The following EYA1 variants were observed in gnomAD, a reference collection of about 807,000 sequenced individuals.
EYA1 encodes EYA transcriptional coactivator and phosphatase 1.
Under a neutral mutation model 82.0 loss-of-function variants are expected in EYA1, and 16 were observed. The ratio of observed to expected loss-of-function variants is 0.20; its 90% confidence interval spans 0.13 to 0.30. The LOEUF is 0.30. Ranked by LOEUF, EYA1 falls within the 10% of genes least tolerant of loss-of-function variation. The pLI is 1.00. For synonymous variants in EYA1, 261 were observed against 264.4 expected, an observed-to-expected ratio of 0.99 and a Z score of 0.12; for missense variants, 633 against 730.7, an observed-to-expected ratio of 0.87 and a Z score of 1.54.
chr8:71,472,811 A>ATATATATC (rs988307541), intron 2 of EYA1, among the ~76,000 whole-genome samples: 1 of 147,818 alleles, frequency 6.8e-6, no homozygotes, highest in Non-Finnish European at 1.5e-5. Flanking sequence ...ATATATATAT[A>ATATATATC]TATCTGTCAG....
chr8:71,361,655 C>G lies in EYA1; in HGVS notation c.-63G>C. The G allele has an allele frequency of 1.0e-6, 1 of 985,308 alleles. No homozygotes were observed. The highest frequency in any genetic ancestry group is 1.2e-6 in the Non-Finnish European group (1 of 829,774). 61.0% of individuals were successfully genotyped at this position (985,308 alleles called of 1,614,324 possible). On this transcript the variant is annotated 5_prime_UTR_variant, in exon 1 of 18. An upstream start codon of the reference 5' UTR is lost. Coordinates refer to ENST00000340726, the MANE Select transcript of EYA1 (RefSeq NM_000503.6). ...AGTCAGCTTGTACTTACAGCGCTTACATCTGCTGCATCCACCAGTTTAATG... is the reference window on the plus strand; with the variant it reads ...AGTCAGCTTGTACTTACAGCGCTTAGATCTGCTGCATCCACCAGTTTAATG...
At chr8:71,425,440 C>T (rs979093542) in intron 2 of EYA1, among the ~76,000 whole-genome samples, 1 of 152,104 alleles carries the variant, frequency 6.6e-6, no homozygotes, top group African/African-American at 2.4e-5. Context: ...TGATGTTCCC[C>T]TTATTTTTTT....
rs71555578 is a variant in EYA1 at position 71,327,853 on chromosome 8, C to CTT, written c.203-5587_203-5586dup. ...TAGTTAGGGCGGGAATCTTTAAGTT[C>CTT]TTTTTTTTTTTTTTTTTTTTTGAGA... On this transcript the variant is annotated intron_variant, in intron 4 of 17. Coordinates refer to ENST00000340726, the MANE Select transcript of EYA1 (RefSeq NM_000503.6). Among the ~76,000 whole-genome samples, 1,097 of 110,142 alleles carry CTT rather than the reference C, an allele frequency of 1.0e-2. 37 individuals carry two copies. The highest frequency in any genetic ancestry group is 0.028 in the African/African-American group (801 of 28,770). The allele number at this position is 110,142 out of a possible 152,430, so 72.3% of individuals were successfully genotyped here.
At chr8:71,422,089 T>C (rs1351967856) in intron 2 of EYA1, among the ~76,000 whole-genome samples, 6 of 152,240 alleles carry the variant, frequency 3.9e-5, no homozygotes, top group Non-Finnish European at 5.9e-5. Flanking sequence ...TCACTTAACG[T>C]AAAGATGATA....
chr8:71,512,631 A>T (rs1812686033), intron 2 of EYA1, among the ~76,000 whole-genome samples: 3 of 152,174 alleles, frequency 2.0e-5, no homozygotes, highest in African/African-American at 2.4e-5. Context: ...TTTATAAAAG[A>T]TATATGAGGG....
chr8:71,367,552 GAAA>G (rs3066860), intron 2 of EYA1, among the ~76,000 whole-genome samples: 1,855 of 135,654 alleles, frequency 0.014, 10 homozygotes, highest in Non-Finnish European at 0.017. Context: ...TCCCAAATCG[GAAA>G]AAAAAAAAAA....
intron 2 of EYA1, among the ~76,000 whole-genome samples, chr8:71,480,349 A>G (rs551302422): frequency 1.3e-5 from 2 of 152,192 alleles, no homozygotes; most frequent in Non-Finnish European, 2.9e-5. Flanking sequence ...CCGGGGTACA[A>G]AATGGGGCCC....
rs1038196237 is a variant in EYA1 at position 71,471,581 on chromosome 8, A to G, written c.33+64163T>C. ...AAACACAAAAGTGATCTCGTACTCA[A>G]TTTATAGACTACTTTTGTCCTGGTT... On this transcript the variant is annotated intron_variant, in intron 2 of 18. Transcript: ENST00000643681. Among the ~76,000 whole-genome samples the G allele has an allele frequency of 6.6e-5, 10 of 152,198 alleles. No homozygotes were observed. In the East Asian group the frequency reaches 1.9e-3, roughly 29 times the overall value.
At chr8:71,439,098 T>C (rs28621923) in intron 2 of EYA1, among the ~76,000 whole-genome samples, 42,533 of 151,948 alleles carry the variant, frequency 0.28, 6,234 homozygotes, top group African/African-American at 0.3. Flanking sequence ...TATTCAGTCA[T>C]TGAACCACCT....
intron 2 of EYA1, among the ~76,000 whole-genome samples, chr8:71,432,683 TC>T (rs1332780760): frequency 1.3e-5 from 2 of 152,300 alleles, no homozygotes; most frequent in African/African-American, 4.8e-5. Context: ...ACCTTAAATG[TC>T]TCTTTAAAGA....
intron 6 of EYA1, among the ~76,000 whole-genome samples, chr8:71,318,626 G>A (rs549167794): frequency 6.6e-6 from 1 of 152,132 alleles, no homozygotes; most frequent in Non-Finnish European, 1.5e-5. Flanking sequence ...TTCTCACAGA[G>A]GGAGGGAAGA....
intron 2 of EYA1, among the ~76,000 whole-genome samples, chr8:71,533,936 T>C (rs980755575): frequency 6.6e-6 from 1 of 152,250 alleles, no homozygotes. Context: ...CAAAATGAGA[T>C]GCAATTAGAT....
intron 1 of EYA1, among the ~76,000 whole-genome samples, chr8:71,545,556 T>C (rs1332917801): frequency 7.0e-6 from 1 of 142,366 alleles, no homozygotes; most frequent in Non-Finnish European, 1.5e-5. Flanking sequence ...CTTATTTTGT[T>C]CCTTTTTTTT....
intron 12 of EYA1, among the ~76,000 whole-genome samples, chr8:71,224,904 C>A (rs183963312): frequency 6.6e-6 from 1 of 152,304 alleles, no homozygotes; most frequent in East Asian, 1.9e-4. Context: ...ATCTTCTAAA[C>A]TTCTCTATGA....
intron 2 of EYA1, among the ~76,000 whole-genome samples, chr8:71,420,209 A>G (rs1340924354): frequency 6.6e-6 from 1 of 152,218 alleles, no homozygotes; most frequent in Non-Finnish European, 1.5e-5. Context: ...AAGGGTTGAA[A>G]GATGCTAATG....
chr8:71,395,868 A>T (rs1321974889), intron 2 of EYA1, among the ~76,000 whole-genome samples: 1 of 152,164 alleles, frequency 6.6e-6, no homozygotes, highest in Non-Finnish European at 1.5e-5. Context: ...AAGGAATGGT[A>T]CCAGCTCCTG....
intron 9 of EYA1, among the ~76,000 whole-genome samples, chr8:71,286,773 G>A (rs1818417380): frequency 6.7e-6 from 1 of 149,890 alleles, no homozygotes; most frequent in African/African-American, 2.5e-5. Context: ...GTGATAGTGT[G>A]ACCATGATAA....
intron 7 of EYA1, among the ~76,000 whole-genome samples, chr8:71,315,138 C>T (rs1227099712): frequency 6.6e-6 from 1 of 152,028 alleles, no homozygotes; most frequent in African/African-American, 2.4e-5. Context: ...TGGTTTTTTC[C>T]TCCAATCCTT....
chr8:71,402,939 A>G (rs756650408), intron 2 of EYA1, among the ~76,000 whole-genome samples: 1 of 152,220 alleles, frequency 6.6e-6, no homozygotes, highest in Non-Finnish European at 1.5e-5. Flanking sequence ...GCAGAGATCA[A>G]TTCCAGATGA....
Sources: allele counts gnomAD v4.1 joint callset (sites outside exome capture counted in the v4.1 genomes callset), GRCh38; gene constraint gnomAD v4.1.1; transcripts MANE v1.5; gene names NCBI Gene and HGNC (gene_info 2026-07-23, HGNC 2026-07-21).